The following PACSIN2 variants were observed in gnomAD, a reference collection of about 807,000 sequenced individuals.
PACSIN2 encodes the protein protein kinase C and casein kinase substrate in neurons 2, also known as protein kinase C and casein kinase substrate in neurons protein 2.
A neutral mutation model predicts 63.8 loss-of-function variants in PACSIN2; 25 were observed. That is an observed-to-expected ratio of 0.39 (90% confidence interval 0.29 to 0.55). The LOEUF (loss-of-function observed/expected upper bound fraction) is 0.55, where lower values mean the gene tolerates loss of function less well. PACSIN2 is among the 20% of genes least tolerant of loss of function. PACSIN2 has a pLI of 0.62. For synonymous variants in PACSIN2, 255 were observed against 256.2 expected (o/e 1.00, Z 0.05); for missense variants, 518 against 646.9 (o/e 0.80, Z 2.16).
chr22:42,880,943 C>G (rs1273610578), intron 7 of PACSIN2, among the ~76,000 whole-genome samples: 2 of 152,222 alleles, frequency 1.3e-5, no homozygotes, highest in Non-Finnish European at 2.9e-5. Context: ...AACACGTCAG[C>G]CAAGACTTCC....
chr22:42,951,844 C>T (rs775683671), intron 1 of PACSIN2, among the ~76,000 whole-genome samples: 6 of 148,828 alleles, frequency 4.0e-5, no homozygotes, highest in Non-Finnish European at 7.3e-5. Context: ...GCGCCAGTCT[C>T]GCTCCTTCCA....
At chr22:42,974,623 C>A (rs539665007) in intron 1 of PACSIN2, among the ~76,000 whole-genome samples, 1 of 151,926 alleles carries the variant, frequency 6.6e-6, no homozygotes, top group East Asian at 1.9e-4. Context: ...GTGGTGTGTG[C>A]CTGTAATCCC....
chr22:42,950,073 G>A (rs1044388903), intron 1 of PACSIN2, among the ~76,000 whole-genome samples: 3 of 152,100 alleles, frequency 2.0e-5, no homozygotes, highest in Admixed American at 6.5e-5. Context: ...GTCAGGAATC[G>A]AAAATATACG....
At chr22:42,979,612 A>G (rs1366198046) in intron 1 of PACSIN2, among the ~76,000 whole-genome samples, 1 of 152,172 alleles carries the variant, frequency 6.6e-6, no homozygotes, top group African/African-American at 2.4e-5. Flanking sequence ...AAACAAAGAA[A>G]GAAGTAATTG....
In PACSIN2 at chr22:42,871,338, C is replaced by A. The variant is rs1928101868; in HGVS notation, c.*19G>T. On this transcript the variant is annotated 3_prime_UTR_variant, in exon 11 of 11. Coordinates refer to ENST00000263246, the MANE Select transcript of PACSIN2 (RefSeq NM_001184970.3). This position sits in a 1 kb window ranked among gnomAD's most constrained non-coding sequence, Gnocchi z 5.4. ...TGGGCCCGCCGCCTCCGTCCCCCCG[C>A]TGGCCTGTCCCCGACTCATCACTGG... The A allele has an allele frequency of 6.5e-7, 1 of 1,527,770 alleles. No homozygotes were observed. Among genetic ancestry groups the A allele is most frequent in the African/African-American group, 1.4e-5 (1 of 73,236 alleles). The allele number at this position is 1,527,770 out of a possible 1,614,324, so 94.6% of individuals were successfully genotyped here. A position where few individuals can be genotyped will look rare whatever the true frequency, so the allele number is the denominator to read the frequency against.
intron 1 of PACSIN2, among the ~76,000 whole-genome samples, chr22:42,921,372 GA>G (rs66480466): frequency 0.47 from 59,294 of 124,964 alleles, 12,406 homozygotes; most frequent in Non-Finnish European, 0.51. Context: ...AAAGAAAAAA[GA>G]AAAAAAAAAA....
At chr22:42,873,303 A>G (rs1808075312) in intron 10 of PACSIN2, among the ~76,000 whole-genome samples, 1 of 152,220 alleles carries the variant, frequency 6.6e-6, no homozygotes, top group African/African-American at 2.4e-5. Context: ...ATAAACCAAC[A>G]AAGTCGGGGG....
At chr22:42,943,954 T>A (rs3819676) in intron 1 of PACSIN2, among the ~76,000 whole-genome samples, 28,699 of 152,108 alleles carry the variant, frequency 0.19, 4,315 homozygotes, top group East Asian at 0.7. Flanking sequence ...AGACAGAGGA[T>A]CCAATTCCAC....
intron 1 of PACSIN2, among the ~76,000 whole-genome samples, chr22:43,010,398 A>ATATATATATATATATATATATATTTT: frequency 2.0e-3 from 257 of 126,358 alleles, no homozygotes; most frequent in Non-Finnish European, 2.9e-3. Flanking sequence ...ATATATATAT[A>ATATATATATATATATATATATATTTT]TTTTTTTTTA....
intron 1 of PACSIN2, among the ~76,000 whole-genome samples, chr22:43,011,790 T>C (rs906937971): frequency 6.6e-5 from 10 of 151,974 alleles, no homozygotes; most frequent in African/African-American, 2.4e-4. Context: ...GGTGGGCAGA[T>C]CACCTGAGGT....
At chr22:42,982,128 G>C (rs1922212274) in intron 1 of PACSIN2, among the ~76,000 whole-genome samples, 1 of 132,586 alleles carries the variant, frequency 7.5e-6, no homozygotes, top group East Asian at 2.4e-4. Flanking sequence ...GGGAGGTGGG[G>C]GGACAGCCCC....
intron 1 of PACSIN2, among the ~76,000 whole-genome samples, chr22:43,010,457 C>A (rs1924412284): frequency 6.6e-6 from 1 of 150,732 alleles, no homozygotes; most frequent in Non-Finnish European, 1.5e-5. Flanking sequence ...CGCCTGTAAT[C>A]CCAGCACTTT....
At chr22:42,982,201 GA>G (rs1922221414) in intron 1 of PACSIN2, among the ~76,000 whole-genome samples, 1 of 94,238 alleles carries the variant, frequency 1.1e-5, no homozygotes, top group Non-Finnish European at 2.2e-5. Flanking sequence ...CCCCTACTGG[GA>G]AGTGAGGAGC....
rs1244696504 is a variant in PACSIN2, at chr22:42,982,876, A to AC, written c.-78+32144_-78+32145insG. Among the ~76,000 whole-genome samples the AC allele has an allele frequency of 5.2e-3, 682 of 131,172 alleles. 16 individuals are homozygous for AC. The highest frequency in any genetic ancestry group is 0.019 in the African/African-American group (651 of 34,794). 86.1% of individuals were successfully genotyped at this position (131,172 alleles called of 152,430 possible). Reference sequence around the variant, plus strand: ...ACACCAAAGAATGATCAATAAAAAAAAAAAAAAAAAAAAACAACAACAAGG... The same window carrying AC: ...ACACCAAAGAATGATCAATAAAAAAACAAAAAAAAAAAAAACAACAACAAGG... On this transcript the variant is annotated intron_variant, in intron 1 of 10. Transcript: ENST00000263246.
intron 1 of PACSIN2, among the ~76,000 whole-genome samples, chr22:42,968,567 G>T (rs1056674482): frequency 3.9e-5 from 6 of 152,164 alleles, no homozygotes; most frequent in African/African-American, 1.4e-4. Context: ...GAACACCTAG[G>T]AAAACCTAGA....
At chr22:42,997,222 G>A (rs752459194) in intron 1 of PACSIN2, among the ~76,000 whole-genome samples, 2 of 152,222 alleles carry the variant, frequency 1.3e-5, no homozygotes, top group South Asian at 2.1e-4. Context: ...GCCTAGAACC[G>A]TGCCTAGCAC....
chr22:42,960,603 A>C (rs117958712), intron 1 of PACSIN2, among the ~76,000 whole-genome samples: 2,848 of 152,340 alleles, frequency 0.019, 48 homozygotes, highest in Non-Finnish European at 0.026. Flanking sequence ...AAAGATTTTA[A>C]AATGCTTGTG....
intron 2 of PACSIN2, among the ~76,000 whole-genome samples, chr22:42,899,754 T>A (rs543354120): frequency 6.6e-6 from 1 of 152,296 alleles, no homozygotes; most frequent in African/African-American, 2.4e-5. Context: ...CCCTGGGGAA[T>A]GCACAGGTAA....
At chr22:42,951,675 C>T (rs528543982) in intron 1 of PACSIN2, among the ~76,000 whole-genome samples, 2 of 152,340 alleles carry the variant, frequency 1.3e-5, no homozygotes, top group East Asian at 3.9e-4. Context: ...TACCTCAAAA[C>T]AGAGCCAGAA....
Sources: gnomAD v4.1 joint callset for allele counts (sites outside exome capture counted in the v4.1 genomes callset) on GRCh38, gnomAD v4.1.1 for gene constraint, Gnocchi (gnomAD v3.1) non-coding constraint, MANE v1.5 for transcripts, NCBI Gene and HGNC (gene_info 2026-07-23, HGNC 2026-07-21) for gene names.